NRG3: variants seen among roughly 807,000 people sequenced by gnomAD.
NRG3 encodes the protein pro-neuregulin-3, membrane-bound isoform.
NRG3 carries 31 observed loss-of-function variants against 66.9 expected under a neutral mutation model. That is an observed-to-expected ratio of 0.46 (90% confidence interval 0.35 to 0.63). NRG3 has a LOEUF of 0.63. Among genes scored for constraint, NRG3 ranks in the 20% least tolerant of loss-of-function variants. The probability of loss-of-function intolerance (pLI) is 0.00; values close to 1 mark genes in which losing one functional copy is unlikely to be tolerated. For missense variants in NRG3, 910 were observed against 878.9 expected (o/e 1.04, Z -0.45); for synonymous variants, 393 against 359.4 (o/e 1.09, Z -1.06).
At chr10:82,889,320 G>C (rs570934925) in intron 4 of NRG3, among the ~76,000 whole-genome samples, 85 of 152,228 alleles carry the variant, frequency 5.6e-4, no homozygotes, top group African/African-American at 1.6e-3. Flanking sequence ...TTGAGAGACA[G>C]CAATCAGAGA....
At chr10:81,892,244 TAC>T (rs1843077597) in intron 1 of NRG3, among the ~76,000 whole-genome samples, 2 of 152,094 alleles carry the variant, frequency 1.3e-5, no homozygotes, top group Admixed American at 1.3e-4. Flanking sequence ...CTGTGCATTA[TAC>T]ACACACTTTA....
intron 1 of NRG3, among the ~76,000 whole-genome samples, chr10:81,927,119 C>A (rs1712020043): frequency 6.6e-6 from 1 of 152,120 alleles, no homozygotes. Context: ...GGGTCAATGG[C>A]AATTCTTCTT....
intron 2 of NRG3, among the ~76,000 whole-genome samples, chr10:82,596,180 A>G (rs1400309371): frequency 1.3e-5 from 2 of 152,188 alleles, no homozygotes; most frequent in Admixed American, 6.5e-5. Flanking sequence ...AGTCTCATAC[A>G]ATCAGTCAGA....
chr10:82,642,529 A>G (rs1284823520), intron 2 of NRG3, among the ~76,000 whole-genome samples: 1 of 152,018 alleles, frequency 6.6e-6, no homozygotes, highest in East Asian at 1.9e-4. Flanking sequence ...TAATTTATAG[A>G]AAATCAGATG....
At chr10:82,670,202 A>G (rs1343206727) in intron 2 of NRG3, among the ~76,000 whole-genome samples, 1 of 151,038 alleles carries the variant, frequency 6.6e-6, no homozygotes, top group Non-Finnish European at 1.5e-5. Context: ...ATTTCCCACT[A>G]CTCATCATGT....
At chr10:82,190,660 T>C (rs2074088767) in intron 1 of NRG3, among the ~76,000 whole-genome samples, 1 of 152,192 alleles carries the variant, frequency 6.6e-6, no homozygotes, top group Non-Finnish European at 1.5e-5. Context: ...CAAATTGGTT[T>C]ACTCCTCTGT....
chr10:82,761,968 C>CT (rs1202289334), intron 3 of NRG3, among the ~76,000 whole-genome samples: 1 of 101,898 alleles, frequency 9.8e-6, no homozygotes. Context: ...TTCTTTCTTT[C>CT]TTTCTTTTCT....
intron 2 of NRG3, among the ~76,000 whole-genome samples, chr10:82,378,158 A>T (rs2085378207): frequency 6.6e-6 from 1 of 152,228 alleles, no homozygotes; most frequent in African/African-American, 2.4e-5. Context: ...GAGAGAATGA[A>T]TTGGAGGAGT....
chr10:82,084,781 A>G (rs907568738), intron 1 of NRG3, among the ~76,000 whole-genome samples: 4 of 152,024 alleles, frequency 2.6e-5, no homozygotes, highest in African/African-American at 9.7e-5. Flanking sequence ...TAGTTCCAGG[A>G]TATGGTTGTA....
At chr10:82,450,265 T>C (rs907699903) in intron 2 of NRG3, among the ~76,000 whole-genome samples, 1 of 152,158 alleles carries the variant, frequency 6.6e-6, no homozygotes, top group Non-Finnish European at 1.5e-5. Flanking sequence ...TCCAGACGGC[T>C]TCCCTGAGTT....
intron 2 of NRG3, among the ~76,000 whole-genome samples, chr10:82,363,859 A>G (rs952536061): frequency 6.6e-6 from 1 of 152,248 alleles, no homozygotes; most frequent in Non-Finnish European, 1.5e-5. Flanking sequence ...TTAAATGTCT[A>G]TATAAATTAG....
At chr10:82,166,972 T>A (rs1276375643) in intron 1 of NRG3, 1 of 446,016 alleles carries the variant, frequency 2.2e-6, no homozygotes, top group African/African-American at 2.0e-5. Flanking sequence ...CTGCCATCTT[T>A]CTTATCTTTG....
At chr10:82,204,400 C>T (rs183616176) in intron 1 of NRG3, among the ~76,000 whole-genome samples, 5 of 152,322 alleles carry the variant, frequency 3.3e-5, no homozygotes, top group African/African-American at 1.2e-4. Context: ...CATCAGTGGG[C>T]TCCTTTGCCC....
At chr10:82,078,307 T>G (rs999696138) in intron 1 of NRG3, among the ~76,000 whole-genome samples, 2 of 152,114 alleles carry the variant, frequency 1.3e-5, no homozygotes, top group African/African-American at 4.8e-5. Context: ...TGAAGGTGAA[T>G]GCTAACTCAC....
At chr10:81,989,056 C>T (rs1464364539) in intron 1 of NRG3, among the ~76,000 whole-genome samples, 2 of 151,968 alleles carry the variant, frequency 1.3e-5, no homozygotes, top group African/African-American at 2.4e-5. Context: ...CTGTATATTG[C>T]AGAGGTAGAA....
chr10:82,104,588 T>G (rs559123884), intron 1 of NRG3, among the ~76,000 whole-genome samples: 1 of 152,212 alleles, frequency 6.6e-6, no homozygotes, highest in East Asian at 1.9e-4. Context: ...ATGTGCTGTG[T>G]GAAAAAGGTA....
chr10:82,388,842 A>C (rs977001617), intron 2 of NRG3, among the ~76,000 whole-genome samples: 1 of 152,194 alleles, frequency 6.6e-6, no homozygotes, highest in African/African-American at 2.4e-5. Flanking sequence ...TAAGCTCTCC[A>C]TACCATCGGC....
intron 2 of NRG3, among the ~76,000 whole-genome samples, chr10:82,622,998 A>G (rs1390235315): frequency 6.6e-6 from 1 of 151,184 alleles, no homozygotes; most frequent in East Asian, 1.9e-4. Context: ...ACATAACCCC[A>G]TTGTAAGTTA....
At chr10:82,597,760 A>G (rs1239625047) in intron 2 of NRG3, among the ~76,000 whole-genome samples, 1 of 152,028 alleles carries the variant, frequency 6.6e-6, no homozygotes, top group Non-Finnish European at 1.5e-5. Context: ...GTCTCTACGA[A>G]AAACACAAAA....
Sources: allele counts gnomAD v4.1 joint callset (sites outside exome capture counted in the v4.1 genomes callset), GRCh38; gene constraint gnomAD v4.1.1; transcripts MANE v1.5; gene names NCBI Gene and HGNC (gene_info 2026-07-23, HGNC 2026-07-21).